Variants in VSIR observed in about 807,000 individuals in gnomAD.
VSIR encodes V-set immunoregulatory receptor, also known as V-type immunoglobulin domain-containing suppressor of T-cell activation.
A neutral mutation model predicts 31.0 loss-of-function variants in VSIR; 10 were observed. That is an observed-to-expected ratio of 0.32 (90% CI 0.20 to 0.55). VSIR has a LOEUF of 0.55. Among genes scored for constraint, VSIR ranks in the 20% least tolerant of loss-of-function variants. The pLI, the probability that VSIR is intolerant of heterozygous loss-of-function variation, is 0.93. For missense variants in VSIR, 356 were observed against 416.2 expected (o/e 0.86, Z 1.26); for synonymous variants, 179 against 180.1 (o/e 0.99, Z 0.05).
chr10:71,763,064 G>T (rs538784212), intron 1 of VSIR, among the ~76,000 whole-genome samples: 2 of 152,310 alleles, frequency 1.3e-5, no homozygotes, highest in Middle Eastern at 3.4e-3. Flanking sequence ...ACAATGCAGG[G>T]TTGCAAAAGG....
intron 1 of VSIR, among the ~76,000 whole-genome samples, chr10:71,767,959 G>T (rs1193407830): frequency 6.6e-6 from 1 of 152,184 alleles, no homozygotes; most frequent in Non-Finnish European, 1.5e-5. Context: ...CCGGCCCGTG[G>T]ATGCTTCTGT....
chr10:71,764,134 T>G (rs1184526017), intron 1 of VSIR, among the ~76,000 whole-genome samples: 5 of 152,152 alleles, frequency 3.3e-5, no homozygotes, highest in Non-Finnish European at 5.9e-5. Flanking sequence ...GTTCCAAAGT[T>G]CCAGAGGGTA....
In VSIR at chr10:71,751,705, A is replaced by G; in HGVS notation, c.861T>C (p.Ser287=). Residue 287 remains serine (S), a synonymous_variant, in exon 6 of 7, where the codon TCT becomes TCC. Coordinates refer to ENST00000394957, the MANE Select transcript of VSIR (RefSeq NM_022153.2). The surrounding 1 kb of genome is among the most constrained non-coding windows in gnomAD (Gnocchi z 4.9). ...HLLSEPSTPL[S]PPGPGDVFFP... is the part of the protein sequence containing the mutation. ...AGAAGACGTCTCCGGGGCCTGGAGG[A>G]GACAGGGGGGTGCTGGGCTCCGAAA... 1 of 1,562,254 alleles carries G rather than the reference A, an allele frequency of 6.4e-7. No individual in the cohort carries two copies. Among genetic ancestry groups the G allele is most frequent in the Non-Finnish European group, 8.6e-7 (1 of 1,157,064 alleles).
intron 3 of VSIR, among the ~76,000 whole-genome samples, chr10:71,759,820 T>TACAC (rs1289055534): frequency 0.014 from 1,234 of 85,386 alleles, 165 homozygotes; most frequent in African/African-American, 0.045. Flanking sequence ...TCAGAAAATA[T>TACAC]ACACACACAC....
chr10:71,751,962 TC>T lies in VSIR; in HGVS notation c.705-102del. The T allele has an allele frequency of 1.6e-6, 2 of 1,222,044 alleles. No homozygotes were observed. Among genetic ancestry groups the T allele is most frequent in the Non-Finnish European group, 2.3e-6 (2 of 862,934 alleles). 75.7% of individuals were successfully genotyped at this position (1,222,044 alleles called of 1,614,324 possible). ...CTCTCCTCCCTTTCTCTCACCTACATCCCCATCCCCAAGCCTCAGCAGCATC... is the reference window on the plus strand; with the variant it reads ...CTCTCCTCCCTTTCTCTCACCTACATCCCATCCCCAAGCCTCAGCAGCATC... On this transcript the variant is annotated intron_variant, in intron 5 of 6. Transcript: ENST00000394957. This position sits in a 1 kb window ranked among gnomAD's most constrained non-coding sequence, Gnocchi z 4.9.
intron 3 of VSIR, among the ~76,000 whole-genome samples, chr10:71,756,693 C>T (rs1840158045): frequency 6.6e-6 from 1 of 152,188 alleles, no homozygotes; most frequent in African/African-American, 2.4e-5. Flanking sequence ...CTCAGAACCA[C>T]AACCAACATA....
Position 71,761,897 on chromosome 10 carries a change from G to A in VSIR, c.212C>T (p.Thr71Met), listed in dbSNP as rs767512752. ...CTCGCCCCTCGAGCTGCGGTACCACGTCTTGTAGAAGGTCACATCGTGCCC... is the reference window on the plus strand; with the variant it reads ...CTCGCCCCTCGAGCTGCGGTACCACATCTTGTAGAAGGTCACATCGTGCCC... ...DKGHDVTFYKTWYRSSRGEVQ... is the reference protein window; with the variant it reads ...DKGHDVTFYKMWYRSSRGEVQ... Residue 71 changes from threonine (T) to methionine (M), a missense_variant, in exon 2 of 7, where the codon ACG becomes ATG. Thr to Met is a moderately conservative substitution (Grantham distance 81). Transcript: ENST00000394957. The A allele has an allele frequency of 5.0e-6, 8 of 1,614,030 alleles. No homozygotes were observed. Among genetic ancestry groups the A allele is most frequent in the South Asian group, 2.2e-5 (2 of 91,092 alleles).
At chr10:71,767,371 G>C (rs1236471538) in intron 1 of VSIR, among the ~76,000 whole-genome samples, 1 of 152,206 alleles carries the variant, frequency 6.6e-6, no homozygotes, top group Non-Finnish European at 1.5e-5. Flanking sequence ...GTCGGGCCTA[G>C]GAAGCCCCAC....
In VSIR at chr10:71,760,887, G is replaced by C. The variant is rs1247812802; in HGVS notation, c.549C>G (p.Ser183=). 1.2e-6 allele frequency: 2 copies of C among 1,613,814 alleles called. No homozygotes were observed. The highest frequency in any genetic ancestry group is 1.7e-6 in the Non-Finnish European group (2 of 1,179,718). ...CCTTACTTTCACTATCCTGGGAGGA[G>C]GATGGGTACACCACACAGTTGGATG... The part of the protein sequence containing the change: ...DAPSNCVVYP[S]SSQDSENITA... The change falls in exon 3 of 7, where the codon TCC becomes TCG. Residue 183 remains serine, a synonymous_variant. Transcript: ENST00000394957.
rs941907524 is a variant in VSIR, at chr10:71,749,606, C to T, written c.*1647G>A. 6.6e-6 allele frequency: 1 copy of T among 152,338 alleles called. No individual in the cohort carries two copies. Among genetic ancestry groups the T allele is most frequent in the Non-Finnish European group, 1.5e-5 (1 of 68,120 alleles). The allele number at this position is 152,338 out of a possible 1,614,324, so 9.4% of individuals were successfully genotyped here. On this transcript the variant is annotated 3_prime_UTR_variant, in exon 7 of 7. Coordinates refer to ENST00000394957, the MANE Select transcript of VSIR (RefSeq NM_022153.2). ...ATTCTGGCCACTCGAGGTGTCAGCC[C>T]CATCTCCGGGCCTATGTTTACCCTC...
intron 2 of VSIR, among the ~76,000 whole-genome samples, chr10:71,761,213 C>T (rs993455074): frequency 2.6e-5 from 4 of 152,288 alleles, no homozygotes; most frequent in South Asian, 2.1e-4. Flanking sequence ...GACACACACA[C>T]GCATATATTC....
intron 1 of VSIR, among the ~76,000 whole-genome samples, chr10:71,767,691 T>C (rs1166596282): frequency 6.6e-6 from 1 of 152,230 alleles, no homozygotes; most frequent in Non-Finnish European, 1.5e-5. Context: ...AGGCATAGGC[T>C]CAGGGCCTGA....
At position 71,773,365 on chromosome 10, in the gene VSIR, C is replaced by G. The variant is rs775132902; in HGVS notation, c.75G>C (p.Ala25=). ...CGCCTCCCCCGACCTTACCTAGGGACGCAGCCAGGAAGAGAGCGAAGAGCA... is the reference window on the plus strand; with the variant it reads ...CGCCTCCCCCGACCTTACCTAGGGAGGCAGCCAGGAAGAGAGCGAAGAGCA... ...GSLLFALFLA[A]SLGPVAAFKV... is the part of the protein sequence containing the mutation. Residue 25 remains alanine, a synonymous_variant, in exon 1 of 7, where the codon GCG becomes GCC. Coordinates refer to ENST00000394957, the MANE Select transcript of VSIR (RefSeq NM_022153.2). 1.9e-6 allele frequency: 3 copies of G among 1,607,840 alleles called. No individual in the cohort carries two copies. Among genetic ancestry groups the G allele is most frequent in the Non-Finnish European group, 2.5e-6 (3 of 1,177,506 alleles).
intron 1 of VSIR, among the ~76,000 whole-genome samples, chr10:71,764,085 A>C (rs1840468095): frequency 6.6e-6 from 1 of 152,226 alleles, no homozygotes; most frequent in Admixed American, 6.5e-5. Flanking sequence ...TTTCAGGCAG[A>C]AACACAGAGA....
chr10:71,752,840 C>T (rs1840040007), intron 5 of VSIR, 135 bp downstream of exon 5: 1 of 1,083,354 alleles, frequency 9.2e-7, no homozygotes, highest in East Asian at 2.6e-5. Context: ...GATGTGCAGG[C>T]TTCAGCAGCA....
rs778595953 is a variant in VSIR at position 71,761,626 on chromosome 10, A to G, written c.483T>C (p.His161=). 1.8e-5 allele frequency: 29 copies of G among 1,606,904 alleles called. No homozygotes were observed. Among genetic ancestry groups the G allele is most frequent in the African/African-American group, 1.3e-5 (1 of 74,848 alleles). The change falls in exon 2 of 7, where the codon CAT becomes CAC. Residue 161 remains histidine, a synonymous_variant. Coordinates refer to ENST00000394957, the MANE Select transcript of VSIR (RefSeq NM_022153.2). ...TCTGCACCTGCAGCTCCATGGCACC[A>G]TGGACCCTGTGCTCCGAGTGGTGGT... is the stretch of plus-strand genomic sequence containing the variant. ...IRHHHSEHRV[H]GAMELQVQTG... is the part of the protein sequence containing the mutation.
At chr10:71,768,168 T>C (rs7075746) in intron 1 of VSIR, among the ~76,000 whole-genome samples, 54,197 of 151,836 alleles carry the variant, frequency 0.36, 10,231 homozygotes, top group South Asian at 0.48. Context: ...TTTGTTGCTG[T>C]TGTTGTTGTT....
Position 71,773,476 on chromosome 10 carries a change from G to C in VSIR, c.-37C>G, listed in dbSNP as rs1258105680. The stretch of plus-strand genomic sequence containing the variant: ...ACGCGCAGAGGAACTTCTGGTGCCG[G>C]GGAGCGGGCGGGACGCGGCCGGCGC... On this transcript the variant is annotated 5_prime_UTR_variant, in exon 1 of 7. Transcript: ENST00000394957. 13 of 1,554,594 alleles carry C rather than the reference G, an allele frequency of 8.4e-6. No homozygotes were observed. Among genetic ancestry groups the C allele is most frequent in the Non-Finnish European group, 1.1e-5 (13 of 1,146,484 alleles).
chr10:71,766,408 G>C (rs895510819), intron 1 of VSIR, among the ~76,000 whole-genome samples: 10 of 152,110 alleles, frequency 6.6e-5, no homozygotes, highest in Non-Finnish European at 1.0e-4. Context: ...GCCACCTAGA[G>C]GAAGAGTGCC....
Sources: gnomAD v4.1 joint callset for allele counts (sites outside exome capture counted in the v4.1 genomes callset) on GRCh38, gnomAD v4.1.1 for gene constraint, Gnocchi (gnomAD v3.1) non-coding constraint, MANE v1.5 for transcripts, NCBI Gene and HGNC (gene_info 2026-07-23, HGNC 2026-07-21) for gene names.